The following FRMPD4 variants were observed in gnomAD, a reference collection of about 807,000 sequenced individuals.
The protein encoded by FRMPD4 is FERM and PDZ domain-containing protein 4.
A neutral mutation model predicts 94.1 loss-of-function variants in FRMPD4; 22 were observed. That is an observed-to-expected ratio of 0.23 (90% CI 0.17 to 0.33). FRMPD4 has a LOEUF of 0.33. Among genes scored for constraint, FRMPD4 ranks in the 10% least tolerant of loss-of-function variants. The pLI is 1.00. For synonymous variants in FRMPD4, 631 were observed against 548.6 expected, an observed-to-expected ratio of 1.15 and a Z score of -2.10; for missense variants, 1,111 against 1,339.9, an observed-to-expected ratio of 0.83 and a Z score of 2.67.
At chrX:11,885,477 A>G (rs2053840396) in intron 3 of FRMPD4, among the ~76,000 whole-genome samples, 1 of 111,117 alleles carries the variant, frequency 9.0e-6, no homozygotes. Flanking sequence ...TTGCATAATA[A>G]TGTGAATATA....
intron 2 of FRMPD4, among the ~76,000 whole-genome samples, chrX:12,581,025 C>T (rs1054849776): frequency 2.7e-5 from 3 of 112,424 alleles, no homozygotes; most frequent in Non-Finnish European, 3.8e-5. Context: ...TGCAAATAAA[C>T]GTGGACTACT....
At chrX:12,238,386 C>T (rs1262049606) in intron 1 of FRMPD4, among the ~76,000 whole-genome samples, 8 of 111,487 alleles carry the variant, frequency 7.2e-5, no homozygotes, top group African/African-American at 1.3e-4. Flanking sequence ...CTCTCCGCCC[C>T]GACCAGCCTC....
Position 11,914,282 on chromosome X carries a change from CT to C in FRMPD4, c.95+36272del, listed in dbSNP as rs1184115335. Reference sequence around the variant, plus strand: ...GAATAATAACTACGTAGAAATATGACTTTTTTTTCTTTTTTTTTTTTTTTTG... The same window carrying C: ...GAATAATAACTACGTAGAAATATGACTTTTTTTCTTTTTTTTTTTTTTTTG... On this transcript the variant is annotated intron_variant, in intron 3 of 18. Coordinates refer to the FRMPD4 transcript ENST00000640291. Among the ~76,000 whole-genome samples the C allele has an allele frequency of 3.1e-4, 28 of 91,382 alleles. No individual in the cohort carries two copies. In the East Asian group the frequency reaches 6.4e-3, roughly 21 times the overall value. The allele number at this position is 91,382 out of a possible 115,157, so 79.4% of individuals were successfully genotyped here.
intron 1 of FRMPD4, among the ~76,000 whole-genome samples, chrX:12,192,779 G>T (rs927771174): frequency 1.8e-4 from 20 of 111,544 alleles, no homozygotes; most frequent in Non-Finnish European, 3.0e-4. Context: ...CCTTAGGTCT[G>T]GGATGGTGCC....
At chrX:11,998,185 C>T (rs1367405518) in intron 3 of FRMPD4, among the ~76,000 whole-genome samples, 5 of 111,709 alleles carry the variant, frequency 4.5e-5, no homozygotes, top group African/African-American at 6.5e-5. Flanking sequence ...CCTGCAAGGC[C>T]GCAATCAATG....
At chrX:11,998,740 A>G (rs375737479) in intron 3 of FRMPD4, among the ~76,000 whole-genome samples, 39 of 112,177 alleles carry the variant, frequency 3.5e-4, no homozygotes, top group African/African-American at 1.2e-3. Context: ...GTTCATACTC[A>G]GAGGATAAAT....
chrX:12,120,915 G>A (rs1448265461), intron 3 of FRMPD4, among the ~76,000 whole-genome samples: 2 of 110,442 alleles, frequency 1.8e-5, no homozygotes, highest in Non-Finnish European at 3.8e-5. Flanking sequence ...TTCTTCAAGT[G>A]TAGGCTGTGA....
chrX:12,584,469 T>C (rs376520749), intron 2 of FRMPD4, among the ~76,000 whole-genome samples: 4 of 111,686 alleles, frequency 3.6e-5, no homozygotes, highest in Non-Finnish European at 7.5e-5. Flanking sequence ...CGATCATCAC[T>C]GCTAAAACTA....
At chrX:12,515,365 C>T (rs1346058628) in intron 2 of FRMPD4, among the ~76,000 whole-genome samples, 9 of 111,000 alleles carry the variant, frequency 8.1e-5, no homozygotes, top group East Asian at 2.8e-4. Context: ...GCTTTATCTG[C>T]GTCCCAGAGA....
rs2042243176 is a variant in FRMPD4 at position 12,721,682 on chromosome X, G to A, written c.5113G>A (p.Val1705Ile). ...VNSETQRQEI[V>I]GKIDEVVINY... The stretch of plus-strand genomic sequence containing the variant: ...CTCAGAAACACAGCGGCAGGAAATT[G>A]TAGGGAAGATCGATGAAGTGGTCAT... Residue 1705 changes from valine (V) to isoleucine (I), a missense_variant, in exon 17 of 17, where the codon GTA (valine) becomes ATA (isoleucine). By Grantham distance (29) the Val-to-Ile change is conservative (BLOSUM62 3). Transcript: ENST00000675598. 1 of 751,740 alleles carries A rather than the reference G, an allele frequency of 1.3e-6. No individual in the cohort carries two copies. The highest frequency in any genetic ancestry group is 6.8e-5 in the South Asian group (1 of 14,646). The allele number at this position is 751,740 out of a possible 1,213,427, so 62.0% of individuals were successfully genotyped here. A position where few individuals can be genotyped will look rare whatever the true frequency, so the allele number is the denominator to read the frequency against.
At chrX:12,152,923 A>ATTTTTTTTTTTT (rs11432329) in intron 1 of FRMPD4, among the ~76,000 whole-genome samples, 2 of 75,748 alleles carry the variant, frequency 2.6e-5, no homozygotes, top group Non-Finnish European at 4.8e-5. Flanking sequence ...AAGCTTATAC[A>ATTTTTTTTTTTT]TTTTTTTTTT....
intron 3 of FRMPD4, among the ~76,000 whole-genome samples, chrX:11,917,630 AAC>A (rs762691227): frequency 8.9e-6 from 1 of 112,175 alleles, no homozygotes; most frequent in East Asian, 2.8e-4. Context: ...TAAGTGAATT[AAC>A]ACAGAAACAA....
At chrX:12,679,154 G>GT in intron 5 of FRMPD4, among the ~76,000 whole-genome samples, 1 of 111,991 alleles carries the variant, frequency 8.9e-6, no homozygotes, top group East Asian at 2.8e-4. Flanking sequence ...CTTTGCCTGT[G>GT]GGCTCTTCCT....
In FRMPD4 at chrX:11,980,149, T is replaced by C. The variant is rs144614939; in HGVS notation, c.95+102131T>C. Among the ~76,000 whole-genome samples, 982 of 111,918 alleles carry C rather than the reference T, an allele frequency of 8.8e-3. 5 individuals carry two copies. Among genetic ancestry groups the C allele is most frequent in the African/African-American group, 0.031 (946 of 30,829 alleles). On this transcript the variant is annotated intron_variant, in intron 3 of 18. Transcript: ENST00000640291. ...TATTTATGGGACTATTTAAAATTTTTAAAACATTAAAAAAACTTGTATTTG... is the reference window on the plus strand; with the variant it reads ...TATTTATGGGACTATTTAAAATTTTCAAAACATTAAAAAAACTTGTATTTG...
At chrX:12,129,302 G>A (rs1408368119) in intron 3 of FRMPD4, among the ~76,000 whole-genome samples, 1 of 111,650 alleles carries the variant, frequency 9.0e-6, no homozygotes, top group Non-Finnish European at 1.9e-5. Context: ...AGAAGGGGAA[G>A]CAAACAATCC....
At chrX:12,070,264 C>T (rs774938299) in intron 3 of FRMPD4, among the ~76,000 whole-genome samples, 3 of 110,559 alleles carry the variant, frequency 2.7e-5, no homozygotes, top group African/African-American at 9.8e-5. Context: ...GCATTCACAA[C>T]AATTTACAGG....
intron 3 of FRMPD4, among the ~76,000 whole-genome samples, chrX:12,103,548 AG>A (rs1483334167): frequency 8.9e-6 from 1 of 111,866 alleles, no homozygotes; most frequent in Admixed American, 9.5e-5. Context: ...AAACAGCCAT[AG>A]ATGATATGTA....
chrX:11,954,359 G>A (rs1979809664), intron 3 of FRMPD4, among the ~76,000 whole-genome samples: 4 of 112,195 alleles, frequency 3.6e-5, no homozygotes, highest in South Asian at 3.7e-4. Flanking sequence ...TTTTTTCCAC[G>A]TCAGTAAATC....
chrX:12,415,042 A>G (rs2407773), intron 1 of FRMPD4, among the ~76,000 whole-genome samples: 38,515 of 109,897 alleles, frequency 0.35, 7,118 homozygotes, highest in African/African-American at 0.71. Context: ...TGCTGCTGAC[A>G]TTTTATCTAG....
Sources: gnomAD v4.1 joint callset for allele counts (sites outside exome capture counted in the v4.1 genomes callset) on GRCh38, gnomAD v4.1.1 for gene constraint, MANE v1.5 for transcripts, NCBI Gene and HGNC (gene_info 2026-07-23, HGNC 2026-07-21) for gene names.